The following CAMK2A variants were observed in gnomAD, a reference collection of about 807,000 sequenced individuals.
CAMK2A encodes calcium/calmodulin-dependent protein kinase type II subunit alpha.
CAMK2A carries 7 observed loss-of-function variants against 79.2 expected under a neutral mutation model. The observed-to-expected ratio is 0.09, with a 90% CI of 0.05 to 0.17. CAMK2A has a LOEUF of 0.17. Ranked by LOEUF, CAMK2A falls within the 10% of genes least tolerant of loss-of-function variation. CAMK2A has a pLI of 1.00. For missense variants in CAMK2A, 214 were observed against 646.4 expected, an observed-to-expected ratio of 0.33 and a Z score of 7.25; for synonymous variants, 242 against 251.7, an observed-to-expected ratio of 0.96 and a Z score of 0.36.
intron 2 of CAMK2A, among the ~76,000 whole-genome samples, chr5:150,271,406 G>A (rs901981853): frequency 1.3e-5 from 2 of 152,212 alleles, no homozygotes; most frequent in African/African-American, 4.8e-5. Context: ...CACTGAGCCA[G>A]AGAAGAAAGG....
At chr5:150,289,293 G>A (rs898770468) in intron 1 of CAMK2A, among the ~76,000 whole-genome samples, 1 of 152,222 alleles carries the variant, frequency 6.6e-6, no homozygotes, top group Non-Finnish European at 1.5e-5. Context: ...TGTGCATTTT[G>A]TGTGTATGTG....
chr5:150,221,233 A>G lies in CAMK2A; in HGVS notation c.*1477T>C, dbSNP rs1228594929. 1 of 395,500 alleles carries G rather than the reference A, an allele frequency of 2.5e-6. No individual in the cohort carries two copies. Among genetic ancestry groups the G allele is most frequent in the Non-Finnish European group, 4.5e-6 (1 of 224,340 alleles). The allele number at this position is 395,500 out of a possible 1,614,324, so 24.5% of individuals were successfully genotyped here. On this transcript the variant is annotated 3_prime_UTR_variant, in exon 19 of 19. Transcript: ENST00000671881. ...AAGTCATGCAAAGAAAACAGTGCAG[A>G]CAGTAGATCCTAGTGGATGTGCCAA... is the stretch of plus-strand genomic sequence containing the variant.
Position 150,223,003 on chromosome 5 carries a change from G to C in CAMK2A, c.1452C>G (p.Pro484=). 1.2e-6 allele frequency: 2 copies of C among 1,613,958 alleles called. No individual in the cohort carries two copies. Among genetic ancestry groups the C allele is most frequent in the South Asian group, 2.2e-5 (2 of 91,070 alleles). The part of the protein sequence containing the change: ...QIVHFHRSGA[P]SVLPH ...GGGATTCTTACTGGGGCAGGACGGAGGGCGCCCCAGATCTGTGGAAGTGGA... is the reference window on the plus strand; with the variant it reads ...GGGATTCTTACTGGGGCAGGACGGACGGCGCCCCAGATCTGTGGAAGTGGA... Residue 484 remains proline (P), a synonymous_variant, in exon 18 of 19, where the codon CCC becomes CCG. Coordinates refer to ENST00000671881, the MANE Select transcript of CAMK2A (RefSeq NM_015981.4). This position sits in a 1 kb window ranked among gnomAD's most constrained non-coding sequence, Gnocchi z 4.1.
intron 3 of CAMK2A, among the ~76,000 whole-genome samples, chr5:150,258,652 T>G (rs971416143): frequency 2.0e-5 from 3 of 152,126 alleles, no homozygotes; most frequent in Non-Finnish European, 4.4e-5. Context: ...GGAGGGGAAT[T>G]GGGGGAGTTG....
intron 1 of CAMK2A, among the ~76,000 whole-genome samples, chr5:150,282,566 G>A (rs1757259719): frequency 6.6e-6 from 1 of 152,228 alleles, no homozygotes; most frequent in African/African-American, 2.4e-5. Context: ...GGGTAGGACA[G>A]CCAAGCACTG....
intron 1 of CAMK2A, among the ~76,000 whole-genome samples, chr5:150,283,586 G>A (rs1197612675): frequency 2.0e-5 from 3 of 152,146 alleles, no homozygotes; most frequent in Non-Finnish European, 4.4e-5. Context: ...TAATGTCACC[G>A]CCTCAGGGAA....
chr5:150,281,698 G>A (rs977215528), intron 1 of CAMK2A, among the ~76,000 whole-genome samples: 4 of 152,194 alleles, frequency 2.6e-5, no homozygotes, highest in African/African-American at 9.7e-5. Context: ...AGCATTCTGC[G>A]TGTTGCAGTG....
chr5:150,223,933 G>A lies in CAMK2A; in HGVS notation c.1238-716C>T, dbSNP rs1322245405. 1.3e-5 allele frequency among the ~76,000 whole-genome samples: 2 copies of A among 152,172 alleles called. No homozygotes were observed. Among genetic ancestry groups the A allele is most frequent in the Non-Finnish European group, 2.9e-5 (2 of 68,036 alleles). ...TGTCTGAAGTATATCTACTTCTACT[G>A]TATATCTACTTCTACTGTAGATATA... On this transcript the variant is annotated intron_variant, in intron 17 of 18. Transcript: ENST00000671881. This position sits in a 1 kb window ranked among gnomAD's most constrained non-coding sequence, Gnocchi z 4.1.
At chr5:150,261,482 T>C (rs1756303763) in intron 3 of CAMK2A, among the ~76,000 whole-genome samples, 1 of 152,200 alleles carries the variant, frequency 6.6e-6, no homozygotes, top group Non-Finnish European at 1.5e-5. Context: ...ATTGAGTCAT[T>C]CTGTCACTTT....
At chr5:150,240,470 T>G (rs774298444) in intron 13 of CAMK2A, among the ~76,000 whole-genome samples, 49 of 152,316 alleles carry the variant, frequency 3.2e-4, no homozygotes, top group Admixed American at 5.2e-4. Context: ...GAGCTGAGTC[T>G]AGAACTTGAG....
At chr5:150,248,869 A>G (rs1387813168) in intron 11 of CAMK2A, among the ~76,000 whole-genome samples, 1 of 152,202 alleles carries the variant, frequency 6.6e-6, no homozygotes, top group Non-Finnish European at 1.5e-5. Context: ...ATGTAGAGAA[A>G]GCCTCCTCCA....
chr5:150,285,558 T>C (rs965940833), intron 1 of CAMK2A, among the ~76,000 whole-genome samples: 2 of 151,514 alleles, frequency 1.3e-5, no homozygotes, highest in African/African-American at 4.9e-5. Context: ...GTACAGGGAG[T>C]TGCCTCTGGG....
At position 150,221,891 on chromosome 5, in the gene CAMK2A, A is replaced by G. The variant is rs1433160226; in HGVS notation, c.*819T>C. The stretch of plus-strand genomic sequence containing the variant: ...CCATTAACGCGAAATCCATTTACGA[A>G]ATACACAGAAATTTGGCTATAAAAA... On this transcript the variant is annotated 3_prime_UTR_variant, in exon 19 of 19. Coordinates refer to ENST00000671881, the MANE Select transcript of CAMK2A (RefSeq NM_015981.4). The G allele has an allele frequency of 9.6e-6, 3 of 311,518 alleles. No individual in the cohort carries two copies. Among genetic ancestry groups the G allele is most frequent in the Admixed American group, 4.9e-5 (1 of 20,356 alleles). 19.3% of individuals were successfully genotyped at this position (311,518 alleles called of 1,614,324 possible). A position where few individuals can be genotyped will look rare whatever the true frequency, so the allele number is the denominator to read the frequency against.
rs769304236 is a variant in CAMK2A at position 150,222,976 on chromosome 5, G to A, written c.1466+13C>T. ...TTACATTACCCTGGGAGGCAGGAAG[G>A]AGGGATTCTTACTGGGGCAGGACGG... On this transcript the variant is annotated intron_variant, in intron 18 of 18. Coordinates refer to ENST00000671881, the MANE Select transcript of CAMK2A (RefSeq NM_015981.4). 6.2e-7 allele frequency: 1 copy of A among 1,607,706 alleles called. No homozygotes were observed. Among genetic ancestry groups the A allele is most frequent in the South Asian group, 1.1e-5 (1 of 90,954 alleles).
At chr5:150,262,887 A>T (rs1180192969) in intron 3 of CAMK2A, among the ~76,000 whole-genome samples, 5 of 152,134 alleles carry the variant, frequency 3.3e-5, no homozygotes, top group Non-Finnish European at 4.4e-5. Flanking sequence ...TGCAAACCCC[A>T]TTCTCCTAAC....
At chr5:150,288,108 C>T (rs1048776299) in intron 1 of CAMK2A, among the ~76,000 whole-genome samples, 1 of 152,072 alleles carries the variant, frequency 6.6e-6, no homozygotes, top group Non-Finnish European at 1.5e-5. Context: ...CACATGCACA[C>T]ACATGCGTGT....
intron 16 of CAMK2A, among the ~76,000 whole-genome samples, chr5:150,230,317 CAAAAAA>C (rs1216883745): frequency 2.3e-3 from 141 of 60,634 alleles, no homozygotes; most frequent in Non-Finnish European, 3.5e-3. Flanking sequence ...GACTCCGTCT[CAAAAAA>C]AAAAAAAAAA....
At chr5:150,225,628 C>T (rs1384046832) in intron 17 of CAMK2A, among the ~76,000 whole-genome samples, 2 of 152,298 alleles carry the variant, frequency 1.3e-5, no homozygotes, top group African/African-American at 4.8e-5. Context: ...GGGACCAGTG[C>T]CCCCAGAGGA....
rs1756453153 is a variant in CAMK2A, at chr5:150,265,047, T to C, written c.158-32A>G. 2.0e-6 allele frequency: 3 copies of C among 1,538,442 alleles called. No individual in the cohort carries two copies. The South Asian group carries it at 3.4e-5, about 17-fold the overall frequency. ...CACAGAGGCTCATGTGAGTCCCCGG[T>C]GAGGAAGGAACCATTACCCTCCATC... On this transcript the variant is annotated intron_variant, in intron 2 of 18. Transcript: ENST00000671881.
Sources: allele counts gnomAD v4.1 joint callset (sites outside exome capture counted in the v4.1 genomes callset), GRCh38; gene constraint gnomAD v4.1.1; non-coding constraint Gnocchi (gnomAD v3.1); transcripts MANE v1.5; gene names NCBI Gene and HGNC (gene_info 2026-07-23, HGNC 2026-07-21).